Variants in NCAM2 observed in about 807,000 individuals in gnomAD.
NCAM2 encodes neural cell adhesion molecule 2.
NCAM2 carries 30 observed loss-of-function variants against 98.1 expected under a neutral mutation model. That is an observed-to-expected ratio of 0.31 (90% confidence interval 0.23 to 0.41). The LOEUF is 0.41. NCAM2 is among the 10% of genes least tolerant of loss of function. NCAM2 has a pLI of 1.00. For synonymous variants in NCAM2, 368 were observed against 342.4 expected (o/e 1.07, Z -0.83); for missense variants, 867 against 1,005.8 (o/e 0.86, Z 1.87).
intron 16 of NCAM2, among the ~76,000 whole-genome samples, chr21:21,521,680 C>A (rs1989023768): frequency 6.6e-6 from 1 of 151,536 alleles, no homozygotes; most frequent in Non-Finnish European, 1.5e-5. Flanking sequence ...TCAGCAGAAA[C>A]TGCCAAAATG....
At chr21:21,267,640 G>T (rs1315589195) in intron 1 of NCAM2, among the ~76,000 whole-genome samples, 2 of 152,064 alleles carry the variant, frequency 1.3e-5, no homozygotes, top group Non-Finnish European at 1.5e-5. Flanking sequence ...TACAAATATG[G>T]AGCAATTTTC....
chr21:21,355,956 G>A (rs1237891368), intron 8 of NCAM2, among the ~76,000 whole-genome samples: 4 of 152,132 alleles, frequency 2.6e-5, no homozygotes, highest in African/African-American at 9.6e-5. Context: ...AATTAATTTC[G>A]CATCAACACA....
intron 1 of NCAM2, among the ~76,000 whole-genome samples, chr21:21,076,072 A>G (rs1332313680): frequency 1.3e-5 from 2 of 151,584 alleles, no homozygotes; most frequent in African/African-American, 4.9e-5. Flanking sequence ...AGGCTAGATC[A>G]TGCCACTGCA....
At chr21:21,430,078 AT>A (rs1438346326) in intron 11 of NCAM2, among the ~76,000 whole-genome samples, 1 of 151,802 alleles carries the variant, frequency 6.6e-6, no homozygotes, top group Admixed American at 6.6e-5. Context: ...CCCAGGCTGG[AT>A]TTGCAGGGAC....
intron 1 of NCAM2, among the ~76,000 whole-genome samples, chr21:21,131,007 T>G (rs1201597497): frequency 6.6e-6 from 1 of 152,144 alleles, no homozygotes; most frequent in Admixed American, 6.5e-5. Context: ...TGGAATTCAT[T>G]AGATTTTTTT....
At chr21:21,176,438 T>A (rs1314988549) in intron 1 of NCAM2, among the ~76,000 whole-genome samples, 1 of 152,184 alleles carries the variant, frequency 6.6e-6, no homozygotes, top group African/African-American at 2.4e-5. Flanking sequence ...ATTAACCATC[T>A]ATCTTTCATA....
intron 1 of NCAM2, among the ~76,000 whole-genome samples, chr21:21,139,790 A>ATATT (rs149985483): frequency 0.97 from 147,343 of 152,096 alleles, 71,524 homozygotes; most frequent in East Asian, 1. Context: ...CAATGTATGA[A>ATATT]TAGTTCTATG....
intron 1 of NCAM2, among the ~76,000 whole-genome samples, chr21:21,087,009 T>TGTA (rs1371155274): frequency 3.3e-5 from 5 of 152,004 alleles, no homozygotes; most frequent in African/African-American, 1.2e-4. Context: ...TATCTAACAT[T>TGTA]GTAACCTGTC....
At chr21:21,472,854 G>T (rs567531182) in intron 14 of NCAM2, among the ~76,000 whole-genome samples, 1 of 151,494 alleles carries the variant, frequency 6.6e-6, no homozygotes, top group Non-Finnish European at 1.5e-5. Flanking sequence ...ATCAGCACAT[G>T]GAACAAAGGC....
chr21:21,168,996 G>A (rs1254106197), intron 1 of NCAM2, among the ~76,000 whole-genome samples: 1 of 152,084 alleles, frequency 6.6e-6, no homozygotes, highest in African/African-American at 2.4e-5. Flanking sequence ...CAATATTGAA[G>A]CAGAAGAACA....
At chr21:21,470,996 A>C (rs1984372349) in intron 14 of NCAM2, among the ~76,000 whole-genome samples, 1 of 151,262 alleles carries the variant, frequency 6.6e-6, no homozygotes, top group Non-Finnish European at 1.5e-5. Flanking sequence ...ACTTTTTCAC[A>C]TTTTTTTCAA....
At chr21:21,351,715 T>C (rs1038447759) in intron 8 of NCAM2, among the ~76,000 whole-genome samples, 1 of 152,046 alleles carries the variant, frequency 6.6e-6, no homozygotes, top group African/African-American at 2.4e-5. Flanking sequence ...TAAACATCTC[T>C]CATCTATTTG....
intron 1 of NCAM2, among the ~76,000 whole-genome samples, chr21:21,128,028 T>A (rs972912510): frequency 5.9e-5 from 9 of 152,094 alleles, no homozygotes; most frequent in African/African-American, 1.9e-4. Flanking sequence ...CATTTTCCCT[T>A]TGTATTTTTT....
intron 12 of NCAM2, among the ~76,000 whole-genome samples, chr21:21,448,952 T>C (rs576590135): frequency 6.6e-6 from 1 of 152,232 alleles, no homozygotes; most frequent in Admixed American, 6.6e-5. Context: ...GGATGTTGTA[T>C]GTAATTACAT....
chr21:21,076,668 A>C (rs1201852624), intron 1 of NCAM2, among the ~76,000 whole-genome samples: 1 of 152,196 alleles, frequency 6.6e-6, no homozygotes, highest in African/African-American at 2.4e-5. Context: ...TAAGTCACGA[A>C]GTTTAGTTTG....
At chr21:21,494,272 GAT>G (rs1450938636) in intron 15 of NCAM2, among the ~76,000 whole-genome samples, 4 of 151,782 alleles carry the variant, frequency 2.6e-5, no homozygotes, top group Non-Finnish European at 5.9e-5. Context: ...ATCATATAGA[GAT>G]ATGTTTCAAT....
rs577982682 is a variant in NCAM2, at chr21:21,173,393, T to C, written c.56-107185T>C. 6.6e-5 allele frequency among the ~76,000 whole-genome samples: 10 copies of C among 152,338 alleles called. No homozygotes were observed. In the South Asian group the frequency reaches 2.1e-3, roughly 32 times the overall value. On this transcript the variant is annotated intron_variant, in intron 1 of 17. Coordinates refer to ENST00000400546, the MANE Select transcript of NCAM2 (RefSeq NM_004540.5). The stretch of plus-strand genomic sequence containing the variant: ...TTAGAGGCACATTAATAGACTTTTT[T>C]TTCCGTTTCATTTATAAGGTTGTCA...
intron 1 of NCAM2, among the ~76,000 whole-genome samples, chr21:21,072,133 C>T (rs1209656155): frequency 1.3e-5 from 2 of 152,168 alleles, no homozygotes; most frequent in South Asian, 2.1e-4. Context: ...AGGATGGTCT[C>T]GATCTCCTGA....
intron 15 of NCAM2, among the ~76,000 whole-genome samples, chr21:21,499,117 A>G (rs1987451315): frequency 6.6e-6 from 1 of 151,940 alleles, no homozygotes; most frequent in Non-Finnish European, 1.5e-5. Context: ...TAAAAAAGGA[A>G]TAATATTAAA....
Sources: gnomAD v4.1 joint callset for allele counts (sites outside exome capture counted in the v4.1 genomes callset) on GRCh38, gnomAD v4.1.1 for gene constraint, MANE v1.5 for transcripts, NCBI Gene and HGNC (gene_info 2026-07-23, HGNC 2026-07-21) for gene names.